The following TNFRSF1B variants were observed in gnomAD, a reference collection of about 807,000 sequenced individuals.
TNFRSF1B encodes TNF receptor superfamily member 1B, also known as tumor necrosis factor receptor superfamily member 1B.
In TNFRSF1B, 19 loss-of-function variants were observed where a neutral mutation model predicts 44.6. That is an observed-to-expected ratio of 0.43 (90% CI 0.30 to 0.62). TNFRSF1B has a LOEUF of 0.62. Ranked by LOEUF, TNFRSF1B falls within the 20% of genes least tolerant of loss-of-function variation. The pLI, the probability that TNFRSF1B is intolerant of heterozygous loss-of-function variation, is 0.16. For missense variants in TNFRSF1B, 541 were observed against 619.9 expected, an observed-to-expected ratio of 0.87 and a Z score of 1.35; for synonymous variants, 252 against 261.1, an observed-to-expected ratio of 0.97 and a Z score of 0.34.
At chr1:12,195,089 T>C (rs983072984) in intron 8 of TNFRSF1B, among the ~76,000 whole-genome samples, 38 of 152,232 alleles carry the variant, frequency 2.5e-4, no homozygotes, top group African/African-American at 8.9e-4. Context: ...CAGAGGGCCC[T>C]TGGGCGTGGG....
rs369918901 is a variant in TNFRSF1B at position 12,202,151 on chromosome 1, G to A, written c.1085G>A (p.Arg362Gln). The A allele has an allele frequency of 1.8e-5, 28 of 1,551,740 alleles. No homozygotes were observed. Among genetic ancestry groups the A allele is most frequent in the African/African-American group, 1.1e-4 (8 of 73,390 alleles). ...GVEASGAGEA[R>Q]ASTGSSDSSP... ...GAGGCCAGTGGGGCCGGGGAGGCCC[G>A]GGCCAGCACCGGGAGCTCAGGTAAG... Residue 362 changes from arginine (R) to glutamine (Q), a missense_variant, in exon 9 of 10, where the codon CGG (arginine) becomes CAG (glutamine). Physicochemically the swap from Arg to Gln is conservative, Grantham distance 43. Coordinates refer to ENST00000376259, the MANE Select transcript of TNFRSF1B (RefSeq NM_001066.3).
chr1:12,191,018 C>T lies in TNFRSF1B; in HGVS notation c.240C>T (p.Asp80=), dbSNP rs1435858695. The T allele has an allele frequency of 3.1e-6, 5 of 1,614,244 alleles. No individual in the cohort carries two copies. Among genetic ancestry groups the T allele is most frequent in the Non-Finnish European group, 4.2e-6 (5 of 1,180,034 alleles). Reference sequence around the variant, plus strand: ...ACACCGTGTGTGACTCCTGTGAGGACAGCACATACACCCAGCTCTGGAACT... The same window carrying T: ...ACACCGTGTGTGACTCCTGTGAGGATAGCACATACACCCAGCTCTGGAACT... The part of the protein sequence containing the change: ...TSDTVCDSCE[D]STYTQLWNWV... Residue 80 remains aspartate (D), a synonymous_variant, in exon 3 of 10, where the codon GAC becomes GAT. Transcript: ENST00000376259.
chr1:12,176,161 G>T (rs1003808621), intron 1 of TNFRSF1B, among the ~76,000 whole-genome samples: 1 of 152,294 alleles, frequency 6.6e-6, no homozygotes, highest in East Asian at 1.9e-4. Context: ...GGAGGTTGCC[G>T]TGAGCTGAGA....
Position 12,174,158 on chromosome 1 carries a change from CTT to C in TNFRSF1B, c.78+6990_78+6991del, listed in dbSNP as rs1491421196. ...TCTTCTTCTTCTTCTTCTTCTTCTT[CTT>C]CTTCTCCTTCTCCTTCTCCTTCTCC... is the stretch of plus-strand genomic sequence containing the variant. On this transcript the variant is annotated intron_variant, in intron 1 of 9. Coordinates refer to ENST00000376259, the MANE Select transcript of TNFRSF1B (RefSeq NM_001066.3). Among the ~76,000 whole-genome samples the C allele has an allele frequency of 4.8e-3, 484 of 101,432 alleles. 7 individuals carry two copies. Among genetic ancestry groups the C allele is most frequent in the Middle Eastern group, 0.015 (3 of 204 alleles). 66.5% of individuals were successfully genotyped at this position (101,432 alleles called of 152,430 possible). A position where few individuals can be genotyped will look rare whatever the true frequency, so the allele number is the denominator to read the frequency against.
Position 12,178,153 on chromosome 1 carries a change from A to G in TNFRSF1B, c.79-10643A>G, listed in dbSNP as rs1056161397. On this transcript the variant is annotated intron_variant, in intron 1 of 9. Coordinates refer to ENST00000376259, the MANE Select transcript of TNFRSF1B (RefSeq NM_001066.3). The surrounding 1 kb of genome is among the most constrained non-coding windows in gnomAD (Gnocchi z 4.3). Reference sequence around the variant, plus strand: ...TGAGGACGCCGCCCCCTCTCTTTGTAAGTCCATTTCCTGCCCATTTCTCAT... The same window carrying G: ...TGAGGACGCCGCCCCCTCTCTTTGTGAGTCCATTTCCTGCCCATTTCTCAT... 6.6e-6 allele frequency among the ~76,000 whole-genome samples: 1 copy of G among 152,194 alleles called. No individual in the cohort carries two copies. Among genetic ancestry groups the G allele is most frequent in the African/African-American group, 2.4e-5 (1 of 41,446 alleles).
chr1:12,201,786 G>A (rs180706933), intron 8 of TNFRSF1B, among the ~76,000 whole-genome samples, 181 bp from the exon 9 acceptor site: 4 of 152,282 alleles, frequency 2.6e-5, no homozygotes, highest in East Asian at 1.9e-4. Flanking sequence ...CAGAAACCAC[G>A]GAGAATCACA....
In TNFRSF1B at chr1:12,169,465, C is replaced by T. The variant is rs1009232529; in HGVS notation, c.78+2296C>T. ...TTCCCAGGATCACAGAGCTGGGGGC[C>T]GGGGAGCTGGGGGTGGGATTTGAAT... On this transcript the variant is annotated intron_variant, in intron 1 of 9. Coordinates refer to ENST00000376259, the MANE Select transcript of TNFRSF1B (RefSeq NM_001066.3). The surrounding 1 kb of genome is among the most constrained non-coding windows in gnomAD (Gnocchi z 4.5). Among the ~76,000 whole-genome samples, 7 of 152,080 alleles carry T rather than the reference C, an allele frequency of 4.6e-5. No individual in the cohort carries two copies. In the East Asian group the frequency reaches 1.2e-3, roughly 25 times the overall value.
chr1:12,167,194 G>T, intron 1 of TNFRSF1B, 25 bp downstream of exon 1: 1 of 1,252,046 alleles, frequency 8.0e-7, no homozygotes, highest in South Asian at 2.9e-5. Flanking sequence ...CGGCCCACGG[G>T]GGACAGCCGC....
At position 12,202,094 on chromosome 1, in the gene TNFRSF1B, C is replaced by T. The variant is rs764907617; in HGVS notation, c.1028C>T (p.Pro343Leu). The T allele has an allele frequency of 1.3e-6, 2 of 1,579,484 alleles. No homozygotes were observed. The highest frequency in any genetic ancestry group is 2.3e-5 in the South Asian group (2 of 86,630). Residue 343 changes from proline to leucine, a missense_variant, in exon 9 of 10, where the codon CCC (proline) becomes CTC (leucine). By Grantham distance (98) the Pro-to-Leu change is moderately conservative. Coordinates refer to ENST00000376259, the MANE Select transcript of TNFRSF1B (RefSeq NM_001066.3). ...SSASALDRRAPTRNQPQAPGV... is the reference protein window; with the variant it reads ...SSASALDRRALTRNQPQAPGV... ...GCCAGTGCGTTGGACAGAAGGGCGC[C>T]CACTCGGAACCAGCCACAGGCACCA...
At chr1:12,206,673 G>C in intron 9 of TNFRSF1B, 67 bp from the exon 10 acceptor site, 1 of 1,479,350 alleles carries the variant, frequency 6.8e-7, no homozygotes, top group Non-Finnish European at 9.1e-7. Context: ...CTGCATCTTG[G>C]GCAGGGGTCC....
At chr1:12,188,961 G>A in intron 2 of TNFRSF1B, 66 bp downstream of exon 2, 1 of 1,465,254 alleles carries the variant, frequency 6.8e-7, no homozygotes, top group Non-Finnish European at 9.4e-7. Flanking sequence ...CAGGGGCTGG[G>A]GCGCAAGAGC....
chr1:12,167,483 C>T (rs369920983), intron 1 of TNFRSF1B: 1 of 439,792 alleles, frequency 2.3e-6, no homozygotes, highest in Non-Finnish European at 4.2e-6. Context: ...AGCAGCGGGT[C>T]CTGGGCAGAC....
Position 12,202,099 on chromosome 1 carries a change from C to G in TNFRSF1B, c.1033C>G (p.Arg345Gly), listed in dbSNP as rs774996171. 6.3e-7 allele frequency: 1 copy of G among 1,576,944 alleles called. No homozygotes were observed. The highest frequency in any genetic ancestry group is 1.2e-5 in the South Asian group (1 of 86,336). ...ASALDRRAPT[R>G]NQPQAPGVEA... ...TGCGTTGGACAGAAGGGCGCCCACT[C>G]GGAACCAGCCACAGGCACCAGGCGT... is the stretch of plus-strand genomic sequence containing the variant. Residue 345 changes from arginine (R) to glycine (G), a missense_variant, in exon 9 of 10, where the codon CGG becomes GGG. Physicochemically the swap from Arg to Gly is moderately radical, Grantham distance 125 (BLOSUM62 -2). Coordinates refer to ENST00000376259, the MANE Select transcript of TNFRSF1B (RefSeq NM_001066.3).
chr1:12,190,490 G>A (rs1024645335), intron 2 of TNFRSF1B, among the ~76,000 whole-genome samples: 4 of 145,488 alleles, frequency 2.7e-5, no homozygotes, highest in Non-Finnish European at 4.5e-5. Flanking sequence ...AGCAGCTACT[G>A]AGTCAACTTT....
intron 1 of TNFRSF1B, among the ~76,000 whole-genome samples, chr1:12,185,774 G>A (rs1307234354): frequency 2.6e-5 from 4 of 152,234 alleles, no homozygotes; most frequent in Admixed American, 1.3e-4. Flanking sequence ...AACCCAGCCC[G>A]TGGTTGAGAC....
chr1:12,191,742 C>A, intron 3 of TNFRSF1B, 32 bp from the exon 4 acceptor site: 1 of 1,611,374 alleles, frequency 6.2e-7, no homozygotes, highest in South Asian at 1.1e-5. Flanking sequence ...CGGAGGCAGG[C>A]GTGACCGTTT....
At position 12,187,142 on chromosome 1, in the gene TNFRSF1B, C is replaced by T. The variant is rs1428200792; in HGVS notation, c.79-1654C>T. On this transcript the variant is annotated intron_variant, in intron 1 of 9. Coordinates refer to ENST00000376259, the MANE Select transcript of TNFRSF1B (RefSeq NM_001066.3). The surrounding 1 kb of genome is among the most constrained non-coding windows in gnomAD (Gnocchi z 5.5). ...CTTCTCTGGGTGCCTTTGCTTTTCT[C>T]TTTTCTCCCCTCTTTTTTTTTTTTT... is the stretch of plus-strand genomic sequence containing the variant. Among the ~76,000 whole-genome samples the T allele has an allele frequency of 6.6e-6, 1 of 151,046 alleles. No homozygotes were observed. The highest frequency in any genetic ancestry group is 1.9e-4 in the East Asian group (1 of 5,160).
chr1:12,206,679 G>A, intron 9 of TNFRSF1B, 61 bp from the exon 10 acceptor site: 8 of 1,487,424 alleles, frequency 5.4e-6, no homozygotes, highest in South Asian at 1.4e-5. Context: ...CTTGGGCAGG[G>A]GTCCCTGGGC....
At position 12,168,530 on chromosome 1, in the gene TNFRSF1B, T is replaced by A. The variant is rs995702580; in HGVS notation, c.78+1361T>A. On this transcript the variant is annotated intron_variant, in intron 1 of 9. Transcript: ENST00000376259. This position sits in a 1 kb window ranked among gnomAD's most constrained non-coding sequence, Gnocchi z 4.7. ...GACTTTGGGGTCATGCCATATACTC[T>A]GGCCTCAGAGGGGGTCTTCCTGCCG... 3.3e-5 allele frequency among the ~76,000 whole-genome samples: 5 copies of A among 152,118 alleles called. No individual in the cohort carries two copies. The highest frequency in any genetic ancestry group is 4.4e-5 in the Non-Finnish European group (3 of 67,988).
Sources: gnomAD v4.1 joint callset for allele counts (sites outside exome capture counted in the v4.1 genomes callset) on GRCh38, gnomAD v4.1.1 for gene constraint, Gnocchi (gnomAD v3.1) non-coding constraint, MANE v1.5 for transcripts, NCBI Gene and HGNC (gene_info 2026-07-23, HGNC 2026-07-21) for gene names.